SLCO1B3: variants seen among roughly 807,000 people sequenced by gnomAD.
SLCO1B3 encodes liver-specific organic anion transporter 2.
A neutral mutation model predicts 71.8 loss-of-function variants in SLCO1B3; 72 were observed. The ratio of observed to expected loss-of-function variants is 1.00; its 90% CI spans 0.83 to 1.22. SLCO1B3 has a LOEUF of 1.22. SLCO1B3 is among the 50% of genes most tolerant of loss of function. SLCO1B3 has a pLI of 0.00. For synonymous variants in SLCO1B3, 298 were observed against 278.4 expected (o/e 1.07, Z -0.70); for missense variants, 911 against 819.7 (o/e 1.11, Z -1.36).
At chr12:20,831,382 AG>A (rs1864539025) in intron 3 of SLCO1B3, among the ~76,000 whole-genome samples, 1 of 147,106 alleles carries the variant, frequency 6.8e-6, no homozygotes, top group Non-Finnish European at 1.5e-5. Context: ...AAAAAAAGCC[AG>A]GGGAAAATGT....
chr12:20,899,948 G>T (rs967141693), intron 14 of SLCO1B3, among the ~76,000 whole-genome samples: 1 of 152,160 alleles, frequency 6.6e-6, no homozygotes, highest in Non-Finnish European at 1.5e-5. Context: ...TATGATATAT[G>T]TGTAAATGGT....
At chr12:20,850,507 C>T (rs1475350728) in intron 3 of SLCO1B3, among the ~76,000 whole-genome samples, 2 of 152,020 alleles carry the variant, frequency 1.3e-5, no homozygotes. Flanking sequence ...TGGTCTCGAT[C>T]TCCTGACCTC....
intron 4 of SLCO1B3, among the ~76,000 whole-genome samples, chr12:20,855,929 A>G (rs1313189841): frequency 2.0e-5 from 3 of 151,974 alleles, no homozygotes; most frequent in African/African-American, 7.2e-5. Flanking sequence ...ATAGACTGCA[A>G]ATATTTTCTA....
At chr12:20,879,205 C>CTTT (rs4149166) in intron 10 of SLCO1B3, among the ~76,000 whole-genome samples, 48,376 of 95,126 alleles carry the variant, frequency 0.51, 13,603 homozygotes, top group South Asian at 0.73. Flanking sequence ...ACCCTTCTCT[C>CTTT]TTTTTTTTTT....
intron 15 of SLCO1B3, among the ~76,000 whole-genome samples, chr12:20,908,097 A>C (rs896089495): frequency 7.9e-5 from 12 of 152,218 alleles, no homozygotes; most frequent in African/African-American, 2.9e-4. Context: ...AGGTTTAGGT[A>C]AAAGTAAAAG....
chr12:20,835,389 T>C (rs995471480), intron 3 of SLCO1B3, among the ~76,000 whole-genome samples: 2 of 152,204 alleles, frequency 1.3e-5, no homozygotes, highest in Non-Finnish European at 2.9e-5. Context: ...AATGGGTTTT[T>C]CTTTCCTACT....
At chr12:20,884,921 A>G (rs1348665452) in intron 13 of SLCO1B3, among the ~76,000 whole-genome samples, 3 of 152,148 alleles carry the variant, frequency 2.0e-5, no homozygotes, top group African/African-American at 7.2e-5. Flanking sequence ...GTATAGCTTC[A>G]TCTTAATATA....
chr12:20,879,706 G>A, intron 11 of SLCO1B3, 75 bp downstream of exon 11: 6 of 977,170 alleles, frequency 6.1e-6, no homozygotes, highest in African/African-American at 3.4e-5. Context: ...AGTAAAATAA[G>A]GTAGAAAACA....
At position 20,910,163 on chromosome 12, in the gene SLCO1B3, T is replaced by C. The variant is rs115413256; in HGVS notation, c.1866-5841T>C. On this transcript the variant is annotated intron_variant, in intron 15 of 15. Coordinates refer to ENST00000381545, the MANE Select transcript of SLCO1B3 (RefSeq NM_019844.4). ...TTTTTGTGAAGCCTAAATTCATTATTTTGCATGTGGATATCTAATTGTTCC... is the reference window on the plus strand; with the variant it reads ...TTTTTGTGAAGCCTAAATTCATTATCTTGCATGTGGATATCTAATTGTTCC... 3.9e-3 allele frequency among the ~76,000 whole-genome samples: 591 copies of C among 152,320 alleles called. 4 individuals are homozygous for C. The highest frequency in any genetic ancestry group is 0.014 in the African/African-American group (570 of 41,570).
At chr12:20,866,395 A>G (rs1865373822) in intron 8 of SLCO1B3, among the ~76,000 whole-genome samples, 2 of 152,272 alleles carry the variant, frequency 1.3e-5, no homozygotes, top group South Asian at 4.1e-4. Flanking sequence ...TTTTTATATC[A>G]TATTGAAAAT....
chr12:20,841,157 C>G (rs980405341), intron 3 of SLCO1B3, among the ~76,000 whole-genome samples: 9 of 151,980 alleles, frequency 5.9e-5, no homozygotes, highest in African/African-American at 1.9e-4. Flanking sequence ...AGCTGTTACT[C>G]CTTATATTTA....
In SLCO1B3 at chr12:20,862,539, AC is replaced by A. The variant is rs746200831; in HGVS notation, c.610del (p.His204IlefsTer6). ...SYIDDFAKEGHSSLYLGSLNA... is the reference protein window; with the variant it reads ...SYIDDFAKEGXSSLYLGSLNA... ...ACATTGATGATTTTGCAAAAGAAGGACATTCTTCCTTGTATTTAGGTAACGT... is the reference window on the plus strand; with the variant it reads ...ACATTGATGATTTTGCAAAAGAAGGAATTCTTCCTTGTATTTAGGTAACGT... On this transcript the variant is annotated frameshift_variant, in exon 7 of 16. Transcript: ENST00000381545. LOFTEE classifies it high-confidence loss of function. 3.1e-6 allele frequency: 5 copies of A among 1,610,414 alleles called. No homozygotes were observed. The South Asian group carries it at 5.5e-5, about 18-fold the overall frequency.
intron 9 of SLCO1B3, among the ~76,000 whole-genome samples, chr12:20,877,406 A>G (rs1046085642): frequency 1.3e-5 from 2 of 152,200 alleles, no homozygotes; most frequent in Non-Finnish European, 2.9e-5. Flanking sequence ...AAAGCAAAGA[A>G]AATTCCAGTT....
At chr12:20,903,533 C>T (rs1047106431) in intron 15 of SLCO1B3, among the ~76,000 whole-genome samples, 1 of 152,040 alleles carries the variant, frequency 6.6e-6, no homozygotes, top group Non-Finnish European at 1.5e-5. Flanking sequence ...ACAATCATGG[C>T]AGAAGCCTAA....
chr12:20,818,275 A>C (rs922107202), intron 3 of SLCO1B3, among the ~76,000 whole-genome samples: 1 of 152,124 alleles, frequency 6.6e-6, no homozygotes, highest in Non-Finnish European at 1.5e-5. Context: ...ATAGACTATT[A>C]GTTTGTCACT....
chr12:20,845,834 A>C (rs1864907375), intron 3 of SLCO1B3, among the ~76,000 whole-genome samples: 1 of 152,116 alleles, frequency 6.6e-6, no homozygotes, highest in South Asian at 2.1e-4. Context: ...TCTCCACTAT[A>C]ATTGTGTTGC....
At chr12:20,910,109 G>A (rs1053861039) in intron 15 of SLCO1B3, among the ~76,000 whole-genome samples, 7 of 152,078 alleles carry the variant, frequency 4.6e-5, no homozygotes, top group African/African-American at 4.8e-5. Flanking sequence ...TGCATTTTAC[G>A]TTTTGGTTTG....
chr12:20,868,589 C>G (rs1865415417), intron 8 of SLCO1B3, among the ~76,000 whole-genome samples: 1 of 152,128 alleles, frequency 6.6e-6, no homozygotes, highest in Non-Finnish European at 1.5e-5. Context: ...GTTGTAGGGA[C>G]CAGCCCCACA....
intron 15 of SLCO1B3, among the ~76,000 whole-genome samples, chr12:20,911,483 C>T (rs907639313): frequency 6.6e-6 from 1 of 152,160 alleles, no homozygotes; most frequent in Non-Finnish European, 1.5e-5. Flanking sequence ...CCTGCTGCTT[C>T]TATTCCTCTG....
Sources: gnomAD v4.1 joint callset for allele counts (sites outside exome capture counted in the v4.1 genomes callset) on GRCh38, gnomAD v4.1.1 for gene constraint, MANE v1.5 for transcripts, NCBI Gene and HGNC (gene_info 2026-07-23, HGNC 2026-07-21) for gene names.